SMARCA2: variants seen among roughly 807,000 people sequenced by gnomAD.
The protein encoded by SMARCA2 is SWI/SNF related BAF chromatin remodeling complex subunit ATPase 2.
A neutral mutation model predicts 199.8 loss-of-function variants in SMARCA2; 61 were observed. The observed-to-expected ratio is 0.31, with a 90% CI of 0.25 to 0.38. The LOEUF is 0.38. Ranked by LOEUF, SMARCA2 falls within the 10% of genes least tolerant of loss-of-function variation. SMARCA2 has a pLI of 1.00. For missense variants in SMARCA2, 1,344 were observed against 2,012.2 expected, an observed-to-expected ratio of 0.67 and a Z score of 6.35; for synonymous variants, 935 against 732.0, an observed-to-expected ratio of 1.28 and a Z score of -4.48.
At chr9:2,077,592 A>G (rs1195431227) in intron 13 of SMARCA2, 37 bp from the exon 14 acceptor site, 4 of 1,599,842 alleles carry the variant, frequency 2.5e-6, no homozygotes, top group Middle Eastern at 1.7e-4. Flanking sequence ...ATGCACGCAC[A>G]TGTCTGTGTG....
chr9:2,076,066 A>C (rs1252069910), intron 12 of SMARCA2, among the ~76,000 whole-genome samples, 163 bp from the exon 13 acceptor site: 1 of 152,188 alleles, frequency 6.6e-6, no homozygotes, highest in Non-Finnish European at 1.5e-5. Flanking sequence ...AATTGGGGGT[A>C]TTACCTTACT....
chr9:2,021,999 T>C (rs1017373001), intron 1 of SMARCA2: 7 of 147,594 alleles, frequency 4.7e-5, no homozygotes, highest in African/African-American at 1.6e-4. Flanking sequence ...AGACCCGGCC[T>C]GAAGGAACGT....
At chr9:2,184,819 CTCTGGAAAAT>C (rs1378533506) in intron 31 of SMARCA2, among the ~76,000 whole-genome samples, 1 of 152,042 alleles carries the variant, frequency 6.6e-6, no homozygotes, top group African/African-American at 2.4e-5. Flanking sequence ...ACTCTGATGT[CTCTGGAAAAT>C]TCTGCCCTGA....
chr9:2,086,405 A>G lies in SMARCA2; in HGVS notation c.2527-424A>G, dbSNP rs946680202. ...GCCATCTTGGAAAAATCAGTCATTA[A>G]CCTCTGCTTCAGGTGGGTACCTATA... On this transcript the variant is annotated intron_variant, in intron 17 of 33. Transcript: ENST00000349721. The surrounding 1 kb of genome is among the most constrained non-coding windows in gnomAD (Gnocchi z 4.3). 1.3e-5 allele frequency among the ~76,000 whole-genome samples: 2 copies of G among 152,140 alleles called. No individual in the cohort carries two copies. Among genetic ancestry groups the G allele is most frequent in the Admixed American group, 6.5e-5 (1 of 15,284 alleles).
At chr9:2,050,755 C>G (rs192026915) in intron 5 of SMARCA2, among the ~76,000 whole-genome samples, 4 of 152,250 alleles carry the variant, frequency 2.6e-5, no homozygotes, top group African/African-American at 9.6e-5. Context: ...AAGTGTCACT[C>G]AGCTCCTTGA....
At chr9:2,026,951 G>A (rs1005788997) in intron 1 of SMARCA2, among the ~76,000 whole-genome samples, 1 of 152,166 alleles carries the variant, frequency 6.6e-6, no homozygotes, top group African/African-American at 2.4e-5. Context: ...CTCCCCTGTT[G>A]TTTAGAAGCC....
chr9:2,156,055 T>C (rs1291572781), intron 27 of SMARCA2, among the ~76,000 whole-genome samples: 1 of 152,238 alleles, frequency 6.6e-6, no homozygotes, highest in East Asian at 1.9e-4. Flanking sequence ...GAAGCATTTG[T>C]TAACAAAAGT....
At chr9:2,075,683 G>A (rs1364708421) in intron 12 of SMARCA2, among the ~76,000 whole-genome samples, 1 of 152,142 alleles carries the variant, frequency 6.6e-6, no homozygotes, top group African/African-American at 2.4e-5. Context: ...TTGAGACAGA[G>A]TTTCGCTCTT....
At chr9:2,135,844 C>G (rs191825386) in intron 27 of SMARCA2, among the ~76,000 whole-genome samples, 1 of 151,942 alleles carries the variant, frequency 6.6e-6, no homozygotes, top group African/African-American at 2.4e-5. Flanking sequence ...CACCCAGCAA[C>G]TTTTACTTTT....
chr9:2,142,815 C>T (rs1317529769), intron 27 of SMARCA2, among the ~76,000 whole-genome samples: 1 of 152,056 alleles, frequency 6.6e-6, no homozygotes, highest in African/African-American at 2.4e-5. Context: ...ATCATCCAAG[C>T]CAGTTGTTAG....
intron 32 of SMARCA2, among the ~76,000 whole-genome samples, chr9:2,189,760 G>A (rs1404611591): frequency 6.6e-6 from 1 of 151,920 alleles, no homozygotes; most frequent in African/African-American, 2.4e-5. Context: ...ATTAGGATTT[G>A]GAATGGAGGA....
At chr9:2,094,483 C>T (rs527548531) in intron 19 of SMARCA2, among the ~76,000 whole-genome samples, 2 of 152,188 alleles carry the variant, frequency 1.3e-5, no homozygotes, top group African/African-American at 2.4e-5. Context: ...TCCCCAAATG[C>T]ACAAGCATCA....
At chr9:2,159,102 C>T (rs1016105108) in intron 27 of SMARCA2, 3 of 1,169,214 alleles carry the variant, frequency 2.6e-6, no homozygotes, top group Non-Finnish European at 3.6e-6. Context: ...GTTTTCGCTT[C>T]TTAGCTACTC....
In SMARCA2 at chr9:2,023,741, A is replaced by T. The variant is rs1818704121; in HGVS notation, c.-36-5246A>T. Among the ~76,000 whole-genome samples, 3 of 152,162 alleles carry T rather than the reference A, an allele frequency of 2.0e-5. No individual in the cohort carries two copies. In the South Asian group the frequency reaches 6.2e-4, roughly 32 times the overall value. ...ACCCACCCCGCACTGCTTCCCCATT[A>T]AGAATAACAGTGCTTGAGGCCCAGT... On this transcript the variant is annotated intron_variant, in intron 1 of 33. Transcript: ENST00000349721.
At chr9:2,065,603 C>A (rs1019647435) in intron 9 of SMARCA2, among the ~76,000 whole-genome samples, 2 of 152,150 alleles carry the variant, frequency 1.3e-5, no homozygotes, top group Admixed American at 1.3e-4. Flanking sequence ...TCAGAATAGC[C>A]TGCCGTTGGC....
chr9:2,123,510 A>AGGTG lies in SMARCA2; in HGVS notation c.3763-205_3763-202dup. Among the ~76,000 whole-genome samples, 1 of 152,326 alleles carries AGGTG rather than the reference A, an allele frequency of 6.6e-6. No individual in the cohort carries two copies. The highest frequency in any genetic ancestry group is 2.1e-4 in the South Asian group (1 of 4,822). On this transcript the variant is annotated intron_variant, in intron 26 of 33. Coordinates refer to ENST00000349721, the MANE Select transcript of SMARCA2 (RefSeq NM_003070.5). This position sits in a 1 kb window ranked among gnomAD's most constrained non-coding sequence, Gnocchi z 4.1. ...TTTAAATGTATGAATAAGTTTCAAA[A>AGGTG]GGTGGGTACAGAAAAAGGGAGGGGA...
At chr9:2,036,667 T>C (rs1819349798) in intron 3 of SMARCA2, among the ~76,000 whole-genome samples, 1 of 152,230 alleles carries the variant, frequency 6.6e-6, no homozygotes, top group Non-Finnish European at 1.5e-5. Context: ...TTTCTTCTGA[T>C]CAAATTTGAG....
At chr9:2,184,420 T>G (rs1205063920) in intron 31 of SMARCA2, among the ~76,000 whole-genome samples, 1 of 149,926 alleles carries the variant, frequency 6.7e-6, no homozygotes, top group African/African-American at 2.5e-5. Context: ...TGGTGCCATC[T>G]CGGCTCGCTG....
At chr9:2,057,020 G>A (rs909092978) in intron 7 of SMARCA2, among the ~76,000 whole-genome samples, 175 bp downstream of exon 7, 3 of 152,164 alleles carry the variant, frequency 2.0e-5, no homozygotes, top group African/African-American at 7.2e-5. Context: ...AGACAAAGAC[G>A]CTTAAGCCAG....
Sources: allele counts gnomAD v4.1 joint callset (sites outside exome capture counted in the v4.1 genomes callset), GRCh38; gene constraint gnomAD v4.1.1; non-coding constraint Gnocchi (gnomAD v3.1); transcripts MANE v1.5; gene names NCBI Gene and HGNC (gene_info 2026-07-23, HGNC 2026-07-21).